The following POU2F3 variants were observed in gnomAD, a reference collection of about 807,000 sequenced individuals.
POU2F3 encodes POU class 2 homeobox 3, also known as POU domain, class 2, transcription factor 3.
In POU2F3, 23 loss-of-function variants were observed where a neutral mutation model predicts 59.2. That is an observed-to-expected ratio of 0.39 (90% CI 0.28 to 0.55). POU2F3 has a LOEUF of 0.55. Ranked by LOEUF, POU2F3 falls within the 20% of genes least tolerant of loss-of-function variation. The probability of loss-of-function intolerance (pLI) is 0.66; values close to 1 mark genes in which losing one functional copy is unlikely to be tolerated. For synonymous variants in POU2F3, 190 were observed against 214.6 expected, an observed-to-expected ratio of 0.89 and a Z score of 1.00; for missense variants, 473 against 544.5, an observed-to-expected ratio of 0.87 and a Z score of 1.31.
rs1011319086 is a variant in POU2F3 at position 120,298,436 on chromosome 11, C to T, written c.258+46C>T. ...GTGGGCCAGTGTGTTTAACCCAATC[C>T]CTCTGTGAAATGCTCGACTTCCATG... On this transcript the variant is annotated intron_variant, in intron 4 of 12. Coordinates refer to ENST00000543440, the MANE Select transcript of POU2F3 (RefSeq NM_014352.4). 7 of 1,604,510 alleles carry T rather than the reference C, an allele frequency of 4.4e-6. No individual in the cohort carries two copies. In the African/African-American group the frequency reaches 8.1e-5, roughly 18 times the overall value.
At chr11:120,265,839 T>C (rs1406330415) in intron 2 of POU2F3, 1 of 152,236 alleles carries the variant, frequency 6.6e-6, no homozygotes, top group African/African-American at 2.4e-5. Flanking sequence ...GCCCCTCTCC[T>C]CTTACACTCC....
intron 5 of POU2F3, 135 bp from the exon 6 acceptor site, chr11:120,302,151 C>A: frequency 1.4e-6 from 1 of 700,992 alleles, no homozygotes; most frequent in Non-Finnish European, 2.5e-6. Flanking sequence ...CTCCATGGGA[C>A]TTGAGGTGGG....
upstream of POU2F3, among the ~76,000 whole-genome samples, chr11:120,239,054 G>T (rs1368350084): frequency 6.6e-6 from 1 of 152,168 alleles, no homozygotes; most frequent in Non-Finnish European, 1.5e-5. Flanking sequence ...TGACTGGAGT[G>T]CACGGTGGGA....
intron 3 of POU2F3, among the ~76,000 whole-genome samples, chr11:120,280,900 C>T (rs1231842235): frequency 1.3e-5 from 2 of 152,090 alleles, no homozygotes; most frequent in South Asian, 2.1e-4. Flanking sequence ...CCTGGCCCTT[C>T]GAGAAGCCGC....
At chr11:120,242,274 G>T (rs1279548079) in intron 1 of POU2F3, among the ~76,000 whole-genome samples, 12 of 152,276 alleles carry the variant, frequency 7.9e-5, no homozygotes, top group Admixed American at 6.5e-4. Flanking sequence ...GTCTCTATTA[G>T]AGGGCTCTCT....
At chr11:120,272,097 G>A (rs906245116) in intron 3 of POU2F3, among the ~76,000 whole-genome samples, 1 of 152,102 alleles carries the variant, frequency 6.6e-6, no homozygotes, top group Non-Finnish European at 1.5e-5. Flanking sequence ...CTTGCTAACC[G>A]CCAGGCTCGG....
chr11:120,243,234 C>T (rs1347919390), intron 1 of POU2F3, among the ~76,000 whole-genome samples: 1 of 152,042 alleles, frequency 6.6e-6, no homozygotes, highest in African/African-American at 2.4e-5. Context: ...CAGGTATGTG[C>T]GGGAGGAGCC....
chr11:120,266,247 C>T (rs573685561), intron 2 of POU2F3, among the ~76,000 whole-genome samples: 2 of 152,292 alleles, frequency 1.3e-5, no homozygotes, highest in Non-Finnish European at 2.9e-5. Flanking sequence ...CCTCTGCCCT[C>T]CACATCCCCG....
intron 6 of POU2F3, 51 bp from the exon 7 acceptor site, chr11:120,304,979 A>AAAAAAATT: frequency 9.3e-6 from 10 of 1,076,486 alleles, no homozygotes; most frequent in Non-Finnish European, 1.2e-5. Flanking sequence ...AAATCAGAAA[A>AAAAAAATT]TGTTATTTAT....
chr11:120,300,729 C>T (rs754526549), intron 5 of POU2F3, among the ~76,000 whole-genome samples: 1 of 151,858 alleles, frequency 6.6e-6, no homozygotes, highest in African/African-American at 2.4e-5. Flanking sequence ...GCACCACTGT[C>T]CTCCAGCCTG....
At chr11:120,263,944 T>C (rs892125547) in intron 2 of POU2F3, among the ~76,000 whole-genome samples, 3 of 152,202 alleles carry the variant, frequency 2.0e-5, no homozygotes, top group African/African-American at 4.8e-5. Flanking sequence ...ATATGATCCT[T>C]CAGTACCTAC....
chr11:120,306,572 A>G (rs1256284672), intron 8 of POU2F3, among the ~76,000 whole-genome samples: 1 of 152,074 alleles, frequency 6.6e-6, no homozygotes, highest in Non-Finnish European at 1.5e-5. Context: ...CTCTCCAGAC[A>G]TTGCCAAATG....
At chr11:120,318,300 A>G in intron 12 of POU2F3, 53 bp from the exon 13 acceptor site, 2 of 1,531,034 alleles carry the variant, frequency 1.3e-6, no homozygotes, top group Non-Finnish European at 1.8e-6. Context: ...CCCCATTCCC[A>G]TCTTACGCCA....
At chr11:120,297,952 T>G (rs1460950172) in intron 3 of POU2F3, among the ~76,000 whole-genome samples, 4 of 151,836 alleles carry the variant, frequency 2.6e-5, no homozygotes, top group Admixed American at 2.0e-4. Flanking sequence ...TTTTTTTTTT[T>G]TTTGGTTTAG....
At chr11:120,252,048 C>G (rs1395606243) in intron 2 of POU2F3, among the ~76,000 whole-genome samples, 2 of 151,880 alleles carry the variant, frequency 1.3e-5, no homozygotes, top group Non-Finnish European at 2.9e-5. Context: ...CCCTCCTCAG[C>G]CTCCCAGAGT....
chr11:120,302,015 G>A (rs988149766), intron 5 of POU2F3: 5 of 395,642 alleles, frequency 1.3e-5, no homozygotes, highest in African/African-American at 4.1e-5. Flanking sequence ...TAGCCTCTAC[G>A]CCTCTCCAGA....
At chr11:120,263,321 C>T (rs1281631546) in intron 2 of POU2F3, among the ~76,000 whole-genome samples, 1 of 152,156 alleles carries the variant, frequency 6.6e-6, no homozygotes, top group Non-Finnish European at 1.5e-5. Flanking sequence ...GCATACAGTT[C>T]CACCTCCCCA....
intron 2 of POU2F3, among the ~76,000 whole-genome samples, chr11:120,263,520 G>A (rs917135096): frequency 2.6e-5 from 4 of 152,272 alleles, no homozygotes; most frequent in Admixed American, 6.5e-5. Flanking sequence ...GATTTGATCC[G>A]CATCTATCTT....
chr11:120,283,799 G>GTGTGTGTGTGTGTA (rs1940671060), intron 3 of POU2F3, among the ~76,000 whole-genome samples: 3 of 150,100 alleles, frequency 2.0e-5, no homozygotes, highest in African/African-American at 7.5e-5. Flanking sequence ...GTGTGTGTGT[G>GTGTGTGTGTGTGTA]TGTGTGTGTG....
Sources: gnomAD v4.1 joint callset for allele counts (sites outside exome capture counted in the v4.1 genomes callset) on GRCh38, gnomAD v4.1.1 for gene constraint, MANE v1.5 for transcripts, NCBI Gene and HGNC (gene_info 2026-07-23, HGNC 2026-07-21) for gene names.